Variants in FAM117B observed in about 807,000 individuals in gnomAD.
FAM117B encodes the protein protein FAM117B.
In FAM117B, 22 loss-of-function variants were observed where a neutral mutation model predicts 52.8. The ratio of observed to expected loss-of-function variants is 0.42; its 90% confidence interval spans 0.30 to 0.59. The LOEUF is 0.59. Ranked by LOEUF, FAM117B falls within the 20% of genes least tolerant of loss-of-function variation. The pLI is 0.22. For synonymous variants in FAM117B, 309 were observed against 324.1 expected (o/e 0.95, Z 0.50); for missense variants, 678 against 802.6 (o/e 0.84, Z 1.88).
At chr2:202,679,706 T>G (rs1212157234) in intron 1 of FAM117B, among the ~76,000 whole-genome samples, 3 of 152,202 alleles carry the variant, frequency 2.0e-5, no homozygotes, top group East Asian at 3.8e-4. Flanking sequence ...AAACAAACTT[T>G]AAGGATCAAG....
At chr2:202,712,057 AT>A (rs999660281) in intron 2 of FAM117B, among the ~76,000 whole-genome samples, 32 of 150,998 alleles carry the variant, frequency 2.1e-4, no homozygotes, top group Admixed American at 1.7e-3. Context: ...AAATTTTAGG[AT>A]TTTTTTTTCC....
rs139420300 is a variant in FAM117B, at chr2:202,743,595, T to C, written c.961-11943T>C. 5.1e-3 allele frequency among the ~76,000 whole-genome samples: 773 copies of C among 151,196 alleles called. 6 individuals carry two copies. The highest frequency in any genetic ancestry group is 0.018 in the African/African-American group (721 of 41,078). ...TGAAAAACAGTTCAAAACAGTGATATCAAAGAAACTCAATGACATACAAAA... is the reference window on the plus strand; with the variant it reads ...TGAAAAACAGTTCAAAACAGTGATACCAAAGAAACTCAATGACATACAAAA... On this transcript the variant is annotated intron_variant, in intron 4 of 7. Transcript: ENST00000392238.
chr2:202,736,586 C>T (rs75727432), intron 4 of FAM117B, among the ~76,000 whole-genome samples: 10,006 of 152,110 alleles, frequency 0.066, 457 homozygotes, highest in East Asian at 0.15. Flanking sequence ...CCTGGTGAAA[C>T]CCTGTCTCAT....
rs2105750186 is a variant in FAM117B, at chr2:202,638,352, G to A, written c.601+2564G>A. On this transcript the variant is annotated intron_variant, in intron 1 of 7. Transcript: ENST00000392238. ...ACAGAATCTGGCTCTCTTAACAACTGTTTGACACTCAGAGAAACACCCTGA... is the reference window on the plus strand; with the variant it reads ...ACAGAATCTGGCTCTCTTAACAACTATTTGACACTCAGAGAAACACCCTGA... Among the ~76,000 whole-genome samples the A allele has an allele frequency of 1.3e-5, 2 of 152,258 alleles. 1 individual carries two copies. The highest frequency in any genetic ancestry group is 4.1e-4 in the South Asian group (2 of 4,822).
chr2:202,642,417 A>G (rs2105752207), intron 1 of FAM117B, among the ~76,000 whole-genome samples: 1 of 150,996 alleles, frequency 6.6e-6, no homozygotes. Flanking sequence ...GGCATTGATC[A>G]CCTGAATTTT....
intron 1 of FAM117B, among the ~76,000 whole-genome samples, chr2:202,682,076 T>C (rs1690470889): frequency 6.6e-6 from 1 of 152,232 alleles, no homozygotes. Context: ...TCTGGTTGGC[T>C]GGACTCCAGG....
chr2:202,676,375 GTT>G (rs71030983), intron 1 of FAM117B, among the ~76,000 whole-genome samples: 1,401 of 130,958 alleles, frequency 0.011, 25 homozygotes, highest in African/African-American at 0.034. Flanking sequence ...AATATTCCTT[GTT>G]TTTTTTTTTT....
intron 7 of FAM117B, among the ~76,000 whole-genome samples, chr2:202,764,803 A>G (rs1691950707): frequency 1.3e-5 from 2 of 152,234 alleles, no homozygotes; most frequent in Non-Finnish European, 2.9e-5. Context: ...AAAGCTTTCA[A>G]AGCAAAGGAG....
intron 1 of FAM117B, among the ~76,000 whole-genome samples, chr2:202,694,643 G>A (rs1215882502): frequency 6.6e-6 from 1 of 151,998 alleles, no homozygotes; most frequent in Non-Finnish European, 1.5e-5. Context: ...TACCCACTTT[G>A]TTTGCTCAGA....
chr2:202,655,761 A>AGAGTGT (rs1690046684), intron 1 of FAM117B, among the ~76,000 whole-genome samples: 15 of 100,464 alleles, frequency 1.5e-4, no homozygotes, highest in Middle Eastern at 5.6e-3. Flanking sequence ...AGAGAGAGAG[A>AGAGTGT]GTGTGTGTGT....
At chr2:202,740,933 T>C (rs1045416261) in intron 4 of FAM117B, among the ~76,000 whole-genome samples, 7 of 152,148 alleles carry the variant, frequency 4.6e-5, no homozygotes, top group Non-Finnish European at 1.5e-5. Flanking sequence ...AGGAAAACTT[T>C]CTTAATATGA....
chr2:202,679,807 A>G (rs754013586), intron 1 of FAM117B, among the ~76,000 whole-genome samples: 1 of 152,228 alleles, frequency 6.6e-6, no homozygotes, highest in Non-Finnish European at 1.5e-5. Context: ...AAAACATGAT[A>G]CTGTCTAGCA....
At chr2:202,699,050 C>T (rs1433618430) in intron 2 of FAM117B, among the ~76,000 whole-genome samples, 1 of 152,104 alleles carries the variant, frequency 6.6e-6, no homozygotes, top group Non-Finnish European at 1.5e-5. Context: ...TGTGACCTAA[C>T]AATTGAATTA....
chr2:202,681,044 C>T (rs1690457061), intron 1 of FAM117B, among the ~76,000 whole-genome samples: 1 of 151,974 alleles, frequency 6.6e-6, no homozygotes, highest in African/African-American at 2.4e-5. Flanking sequence ...AATAGTAGCA[C>T]AAAGACAGGA....
intron 2 of FAM117B, among the ~76,000 whole-genome samples, chr2:202,713,795 C>T (rs183890201): frequency 1.3e-5 from 2 of 152,176 alleles, no homozygotes; most frequent in African/African-American, 4.8e-5. Flanking sequence ...CAACCTCCAC[C>T]TCCTGGGTTC....
chr2:202,724,657 A>G (rs1691210163), intron 2 of FAM117B, among the ~76,000 whole-genome samples: 1 of 152,158 alleles, frequency 6.6e-6, no homozygotes, highest in South Asian at 2.1e-4. Context: ...TGTTCCATAA[A>G]TGCTTTATTT....
intron 3 of FAM117B, 52 bp from the exon 4 acceptor site, chr2:202,726,198 T>C (rs906631743): frequency 7.9e-7 from 1 of 1,261,764 alleles, no homozygotes; most frequent in African/African-American, 1.5e-5. Context: ...AGGATGTGTT[T>C]TTGTTTCATG....
chr2:202,677,302 G>A (rs11690304), intron 1 of FAM117B, among the ~76,000 whole-genome samples: 398 of 152,098 alleles, frequency 2.6e-3, no homozygotes, highest in Non-Finnish European at 4.5e-3. Context: ...TCCTGACCTC[G>A]TGATCCGCCC....
At chr2:202,666,781 G>T (rs1435699653) in intron 1 of FAM117B, among the ~76,000 whole-genome samples, 1 of 148,144 alleles carries the variant, frequency 6.8e-6, no homozygotes, top group Non-Finnish European at 1.5e-5. Context: ...TGATTCTCCT[G>T]CCTCAGCCCG....
Sources: allele counts gnomAD v4.1 joint callset (sites outside exome capture counted in the v4.1 genomes callset), GRCh38; gene constraint gnomAD v4.1.1; transcripts MANE v1.5; gene names NCBI Gene and HGNC (gene_info 2026-07-23, HGNC 2026-07-21).